MCF2L2: variants seen among roughly 807,000 people sequenced by gnomAD.
MCF2L2 encodes the protein probable guanine nucleotide exchange factor MCF2L2.
In MCF2L2, 102 loss-of-function variants were observed where a neutral mutation model predicts 150.2. The ratio of observed to expected loss-of-function variants is 0.68; its 90% CI spans 0.58 to 0.80. MCF2L2 has a LOEUF of 0.80. Ranked by LOEUF, MCF2L2 falls within the 30% of genes least tolerant of loss-of-function variation. The pLI is 0.00. For missense variants in MCF2L2, 1,256 were observed against 1,372.8 expected, an observed-to-expected ratio of 0.91 and a Z score of 1.34; for synonymous variants, 465 against 491.3, an observed-to-expected ratio of 0.95 and a Z score of 0.71.
chr3:183,338,984 C>CT (rs1730600640), intron 4 of MCF2L2, 65 bp from the exon 5 acceptor site: 1 of 1,517,022 alleles, frequency 6.6e-7, no homozygotes, highest in South Asian at 1.3e-5. Flanking sequence ...CCAGGGTCTA[C>CT]TTTGGTCTCC....
chr3:183,361,021 A>AGGAAAGACC (rs1463021514), intron 3 of MCF2L2, among the ~76,000 whole-genome samples: 22 of 140,382 alleles, frequency 1.6e-4, no homozygotes, highest in Admixed American at 2.1e-4. Flanking sequence ...AAGAAAAGAA[A>AGGAAAGACC]AGAGAAAAGA....
At chr3:183,195,617 G>GA (rs1187811033) in intron 25 of MCF2L2, among the ~76,000 whole-genome samples, 13 of 151,986 alleles carry the variant, frequency 8.6e-5, no homozygotes, top group African/African-American at 3.1e-4. Context: ...CTTGATGAGG[G>GA]AAAAAATCAT....
At chr3:183,415,864 T>A (rs1423203450) in intron 1 of MCF2L2, among the ~76,000 whole-genome samples, 1 of 152,200 alleles carries the variant, frequency 6.6e-6, no homozygotes, top group Non-Finnish European at 1.5e-5. Context: ...GGATCATTTA[T>A]CCATTCACAC....
chr3:183,296,825 C>CT, intron 12 of MCF2L2, 151 bp downstream of exon 12: 1 of 746,750 alleles, frequency 1.3e-6, no homozygotes, highest in Non-Finnish European at 2.1e-6. Context: ...GGCCGAGAGT[C>CT]TAAGAGGCCG....
At position 183,270,771 on chromosome 3, in the gene MCF2L2, C is replaced by A; in HGVS notation, c.1862+6101G>T. On this transcript the variant is annotated intron_variant, in intron 15 of 29. Coordinates refer to ENST00000328913, the MANE Select transcript of MCF2L2 (RefSeq NM_015078.4). This position sits in a 1 kb window ranked among gnomAD's most constrained non-coding sequence, Gnocchi z 4.5. ...TGAAAAAATGATGACATCTCATGGA[C>A]ACTTAGAAGATCTCCAGGACCTTTG... 2 of 1,613,878 alleles carry A rather than the reference C, an allele frequency of 1.2e-6. No homozygotes were observed. The highest frequency in any genetic ancestry group is 1.7e-6 in the Non-Finnish European group (2 of 1,179,950).
Position 183,428,095 on chromosome 3 carries a change from GCTCT to G in MCF2L2, c.-122_-119del. On this transcript the variant is annotated 5_prime_UTR_variant, in exon 1 of 30. Coordinates refer to ENST00000328913, the MANE Select transcript of MCF2L2 (RefSeq NM_015078.4). The surrounding 1 kb of genome is among the most constrained non-coding windows in gnomAD (Gnocchi z 5.1). ...ATGCTCTGCCCTCGCCCTCTTCCTGGCTCTCCAGGCAAGAAACGAGAGTCCCTCG... is the reference window on the plus strand; with the variant it reads ...ATGCTCTGCCCTCGCCCTCTTCCTGGCCAGGCAAGAAACGAGAGTCCCTCG... 1.3e-6 allele frequency: 1 copy of G among 762,456 alleles called. No individual in the cohort carries two copies. Among genetic ancestry groups the G allele is most frequent in the Non-Finnish European group, 2.3e-6 (1 of 440,110 alleles). 47.2% of individuals were successfully genotyped at this position (762,456 alleles called of 1,614,324 possible).
chr3:183,194,274 G>A (rs776795606), intron 26 of MCF2L2, among the ~76,000 whole-genome samples: 4 of 152,124 alleles, frequency 2.6e-5, no homozygotes, highest in Non-Finnish European at 4.4e-5. Flanking sequence ...GTAGACAGGC[G>A]TTTTCAACAA....
At chr3:183,427,250 C>T (rs1398748886) in intron 1 of MCF2L2, among the ~76,000 whole-genome samples, 4 of 152,210 alleles carry the variant, frequency 2.6e-5, no homozygotes, top group African/African-American at 9.6e-5. Flanking sequence ...TGGGGCCTGA[C>T]GTTCCATCAC....
At chr3:183,313,062 T>C (rs538311143) in intron 7 of MCF2L2, among the ~76,000 whole-genome samples, 2 of 152,326 alleles carry the variant, frequency 1.3e-5, no homozygotes, top group South Asian at 2.1e-4. Context: ...GTAGGTTGGA[T>C]AAATTAATAA....
chr3:183,351,226 A>ATTTATT (rs1439911660), intron 3 of MCF2L2, among the ~76,000 whole-genome samples: 2 of 89,788 alleles, frequency 2.2e-5, no homozygotes, highest in Admixed American at 1.1e-4. Flanking sequence ...ATATATATAT[A>ATTTATT]TATATATATA....
At chr3:183,355,936 T>G (rs1711750930) in intron 3 of MCF2L2, among the ~76,000 whole-genome samples, 1 of 152,016 alleles carries the variant, frequency 6.6e-6, no homozygotes, top group African/African-American at 2.4e-5. Context: ...GGGCCCCTCC[T>G]TCCCCCCTCC....
In MCF2L2 at chr3:183,389,669, G is replaced by A. The variant is rs762899989; in HGVS notation, c.160+27C>T. 4 of 1,600,954 alleles carry A rather than the reference G, an allele frequency of 2.5e-6. No individual in the cohort carries two copies. In the African/African-American group the frequency reaches 5.4e-5, roughly 21 times the overall value. On this transcript the variant is annotated intron_variant, in intron 2 of 29. Transcript: ENST00000328913. ...CATCAAGACCCCCCCATCAAAATCT[G>A]GAAATGCAAATGAATGTGCCCCTTA... is the stretch of plus-strand genomic sequence containing the variant.
chr3:183,351,187 TAAG>T (rs1731100489), intron 3 of MCF2L2, among the ~76,000 whole-genome samples: 1 of 83,062 alleles, frequency 1.2e-5, no homozygotes, highest in African/African-American at 6.2e-5. Flanking sequence ...TTTATTTTCT[TAAG>T]TATATATATA....
chr3:183,334,317 TAA>T (rs1730383474), intron 5 of MCF2L2, among the ~76,000 whole-genome samples: 1 of 152,190 alleles, frequency 6.6e-6, no homozygotes, highest in African/African-American at 2.4e-5. Context: ...TGCATGATCT[TAA>T]AGTGTCTCTG....
chr3:183,290,249 T>G (rs59460410), intron 13 of MCF2L2, among the ~76,000 whole-genome samples: 24,594 of 152,148 alleles, frequency 0.16, 2,469 homozygotes, highest in East Asian at 0.46. Context: ...TCTTGCTCTT[T>G]TCTCTTGGCC....
chr3:183,297,118 A>G lies in MCF2L2; in HGVS notation c.1355T>C (p.Val452Ala). Reference protein sequence around the residue: ...AGIYLLASQAVDKCQSREGVD... With the variant: ...AGIYLLASQAADKCQSREGVD... Reference sequence around the variant, plus strand: ...CCCTTCTCGAGACTGGCACTTGTCTACAGCTTGGGAAGCCAAGAGGTAGAT... The same window carrying G: ...CCCTTCTCGAGACTGGCACTTGTCTGCAGCTTGGGAAGCCAAGAGGTAGAT... Residue 452 changes from valine (V) to alanine (A), a missense_variant, in exon 12 of 30, where the codon GTA becomes GCA. Val to Ala is a moderately conservative substitution (Grantham distance 64). Transcript: ENST00000328913. 6.2e-7 allele frequency: 1 copy of G among 1,614,128 alleles called. No homozygotes were observed.
chr3:183,309,478 C>T (rs921361868), intron 10 of MCF2L2, among the ~76,000 whole-genome samples: 2 of 152,088 alleles, frequency 1.3e-5, no homozygotes, highest in Non-Finnish European at 2.9e-5. Context: ...AGTCCTCACC[C>T]GACCTGAGCG....
chr3:183,354,339 C>T (rs997481216), intron 3 of MCF2L2, among the ~76,000 whole-genome samples: 6 of 152,112 alleles, frequency 3.9e-5, no homozygotes, highest in African/African-American at 1.4e-4. Flanking sequence ...AATCCCCTTC[C>T]CTTTCCAGGT....
chr3:183,397,200 G>T (rs1231634814), intron 1 of MCF2L2, among the ~76,000 whole-genome samples: 1 of 152,142 alleles, frequency 6.6e-6, no homozygotes, highest in African/African-American at 2.4e-5. Context: ...AAATACCTTC[G>T]ACTGGGTAAT....
Sources: gnomAD v4.1 joint callset for allele counts (sites outside exome capture counted in the v4.1 genomes callset) on GRCh38, gnomAD v4.1.1 for gene constraint, Gnocchi (gnomAD v3.1) non-coding constraint, MANE v1.5 for transcripts, NCBI Gene and HGNC (gene_info 2026-07-23, HGNC 2026-07-21) for gene names.